SAMD13: variants seen among roughly 807,000 people sequenced by gnomAD.
The protein encoded by SAMD13 is sterile alpha motif domain-containing protein 13.
SAMD13 carries 9 observed loss-of-function variants against 12.4 expected under a neutral mutation model. That is an observed-to-expected ratio of 0.72 (90% confidence interval 0.44 to 1.26). SAMD13 has a LOEUF of 1.26. SAMD13 is among the 50% of genes most tolerant of loss of function. The probability of loss-of-function intolerance (pLI) is 0.00; values close to 1 mark genes in which losing one functional copy is unlikely to be tolerated. For missense variants in SAMD13, 84 were observed against 119.6 expected, an observed-to-expected ratio of 0.70 and a Z score of 1.39; for synonymous variants, 46 against 45.4, an observed-to-expected ratio of 1.01 and a Z score of -0.05.
intron 2 of SAMD13, among the ~76,000 whole-genome samples, chr1:84,315,137 T>C (rs1177377073): frequency 6.6e-6 from 1 of 152,138 alleles, no homozygotes. Context: ...ATTTTTTAAG[T>C]GTACGATACA....
At chr1:84,312,722 G>A (rs1261089551) in intron 2 of SAMD13, among the ~76,000 whole-genome samples, 1 of 151,958 alleles carries the variant, frequency 6.6e-6, no homozygotes, top group Non-Finnish European at 1.5e-5. Context: ...ACAAAACAAT[G>A]GAATTGTGTT....
intron 2 of SAMD13, among the ~76,000 whole-genome samples, chr1:84,324,226 G>A (rs1422855925): frequency 6.6e-6 from 1 of 152,080 alleles, no homozygotes; most frequent in African/African-American, 2.4e-5. Flanking sequence ...ATGTGAATCT[G>A]ATCAGGTCAC....
intron 2 of SAMD13, among the ~76,000 whole-genome samples, chr1:84,314,188 A>G (rs1159044101): frequency 2.0e-5 from 3 of 152,146 alleles, no homozygotes; most frequent in Admixed American, 6.5e-5. Context: ...AATGGCTACT[A>G]TTACTTAGCT....
intron 2 of SAMD13, among the ~76,000 whole-genome samples, chr1:84,309,862 G>A (rs763010797): frequency 7.9e-5 from 12 of 152,128 alleles, no homozygotes; most frequent in East Asian, 7.7e-4. Flanking sequence ...TTATAATGAC[G>A]TACCCATTCA....
At chr1:84,317,660 T>C (rs1678864430) in intron 2 of SAMD13, among the ~76,000 whole-genome samples, 1 of 152,064 alleles carries the variant, frequency 6.6e-6, no homozygotes, top group Non-Finnish European at 1.5e-5. Context: ...ATAATTTTCT[T>C]TTCTTGTGTG....
In SAMD13 at chr1:84,325,621, G is replaced by A. The variant is rs529473812; in HGVS notation, c.54-16G>A. On this transcript the variant is annotated splice_polypyrimidine_tract_variant and intron_variant, in intron 2 of 3. Coordinates refer to ENST00000394834, the MANE Select transcript of SAMD13 (RefSeq NM_001134663.2). ...CAGGCACTGCCATGACAACTGTCTG[G>A]ATTTGTGTTTTGCAGTTCCATGGAA... The A allele has an allele frequency of 2.7e-6, 4 of 1,500,222 alleles. No individual in the cohort carries two copies. In the South Asian group the frequency reaches 4.5e-5, roughly 17 times the overall value. 92.9% of individuals were successfully genotyped at this position (1,500,222 alleles called of 1,614,324 possible).
chr1:84,299,497 C>A, upstream of SAMD13: 4 of 737,168 alleles, frequency 5.4e-6, no homozygotes, highest in Non-Finnish European at 3.8e-6. Flanking sequence ...ACACCACATA[C>A]ACACACACCC....
chr1:84,322,683 C>T (rs1048784670), intron 2 of SAMD13, among the ~76,000 whole-genome samples: 14 of 152,022 alleles, frequency 9.2e-5, no homozygotes, highest in Admixed American at 7.2e-4. Context: ...TTAGGTAGAT[C>T]AATCATTAAA....
chr1:84,346,771 A>G (rs1187186772), intron 3 of SAMD13, among the ~76,000 whole-genome samples: 1 of 152,156 alleles, frequency 6.6e-6, no homozygotes, highest in African/African-American at 2.4e-5. Flanking sequence ...TAATCAAGGA[A>G]CTTTCCTGTG....
chr1:84,309,844 A>C (rs1373740730), intron 2 of SAMD13, among the ~76,000 whole-genome samples: 1 of 152,192 alleles, frequency 6.6e-6, no homozygotes, highest in Non-Finnish European at 1.5e-5. Context: ...AGAAAATGCA[A>C]GTAAAGATTA....
At chr1:84,310,136 AT>A (rs1678676576) in intron 2 of SAMD13, among the ~76,000 whole-genome samples, 1 of 152,116 alleles carries the variant, frequency 6.6e-6, no homozygotes, top group Admixed American at 6.5e-5. Flanking sequence ...GGTAAAATAA[AT>A]TTTAATAATA....
chr1:84,305,048 T>C (rs1678537885), intron 2 of SAMD13, among the ~76,000 whole-genome samples: 2 of 152,142 alleles, frequency 1.3e-5, no homozygotes, highest in Admixed American at 6.5e-5. Context: ...AGGAATGGAA[T>C]TGGTTGGGCT....
intron 3 of SAMD13, among the ~76,000 whole-genome samples, chr1:84,326,829 G>A (rs376958649): frequency 5.9e-5 from 9 of 152,172 alleles, no homozygotes; most frequent in African/African-American, 1.7e-4. Context: ...AATTGCACAC[G>A]CCAATTTCTA....
chr1:84,328,603 A>C (rs978395208), intron 3 of SAMD13, among the ~76,000 whole-genome samples: 1 of 152,156 alleles, frequency 6.6e-6, no homozygotes, highest in East Asian at 1.9e-4. Context: ...TGTGATATTC[A>C]TGAGGACTGA....
intron 2 of SAMD13, among the ~76,000 whole-genome samples, chr1:84,306,072 T>C (rs189493818): frequency 1.3e-5 from 2 of 152,112 alleles, no homozygotes; most frequent in East Asian, 1.9e-4. Flanking sequence ...TTGAAGAGAG[T>C]TGGTATTTTA....
Position 84,306,644 on chromosome 1 carries a change from C to CAA in SAMD13, c.53+3375_53+3376dup, listed in dbSNP as rs386367519. 7.1e-3 allele frequency among the ~76,000 whole-genome samples: 454 copies of CAA among 63,918 alleles called. 4 individuals are homozygous for CAA. Among genetic ancestry groups the CAA allele is most frequent in the Middle Eastern group, 0.042 (4 of 96 alleles). 41.9% of individuals were successfully genotyped at this position (63,918 alleles called of 152,430 possible). ...GAAACCCCATCTCTACTAAAAATAC[C>CAA]AAAAAAAAAAAAAAAAAAAGAGAGA... On this transcript the variant is annotated intron_variant, in intron 2 of 3. Transcript: ENST00000394834.
At chr1:84,322,300 T>G (rs988714643) in intron 2 of SAMD13, among the ~76,000 whole-genome samples, 5 of 151,964 alleles carry the variant, frequency 3.3e-5, no homozygotes, top group African/African-American at 1.2e-4. Context: ...ATAAGTATAG[T>G]GGAAAAAAAG....
intron 2 of SAMD13, among the ~76,000 whole-genome samples, chr1:84,320,077 C>G (rs966873905): frequency 6.6e-6 from 1 of 152,170 alleles, no homozygotes; most frequent in Admixed American, 6.5e-5. Flanking sequence ...ACAACTGACC[C>G]GAGATTATCG....
chr1:84,332,505 A>G (rs1679213092), intron 3 of SAMD13, among the ~76,000 whole-genome samples: 1 of 152,046 alleles, frequency 6.6e-6, no homozygotes, highest in African/African-American at 2.4e-5. Context: ...ATTTTTTCAT[A>G]TGCTTATTAG....
Sources: allele counts gnomAD v4.1 joint callset (sites outside exome capture counted in the v4.1 genomes callset), GRCh38; gene constraint gnomAD v4.1.1; transcripts MANE v1.5; gene names NCBI Gene and HGNC (gene_info 2026-07-23, HGNC 2026-07-21).